The following RAD51B variants were observed in gnomAD, a reference collection of about 807,000 sequenced individuals.
RAD51B encodes RAD51 paralog B.
RAD51B carries 38 observed loss-of-function variants against 42.2 expected under a neutral mutation model. That is an observed-to-expected ratio of 0.90 (90% CI 0.70 to 1.18). The LOEUF is 1.18. Among genes scored for constraint, RAD51B ranks in the 50% most tolerant of loss-of-function variants. The probability of loss-of-function intolerance (pLI) is 0.00; values close to 1 mark genes in which losing one functional copy is unlikely to be tolerated. For synonymous variants in RAD51B, 154 were observed against 145.2 expected (o/e 1.06, Z -0.43); for missense variants, 373 against 400.7 (o/e 0.93, Z 0.59).
chr14:68,026,090 A>G (rs1198405702), intron 7 of RAD51B, among the ~76,000 whole-genome samples: 1 of 152,002 alleles, frequency 6.6e-6, no homozygotes, highest in African/African-American at 2.4e-5. Flanking sequence ...TTCTGCCTTA[A>G]TTTTGATGTT....
rs79104058 is a variant in RAD51B, at chr14:68,527,155, T to C, written c.1036+58905T>C. On this transcript the variant is annotated intron_variant, in intron 10 of 10. Transcript: ENST00000487270. ...AAACAAAACAAAAAACGAAACAAAA[T>C]GAAAAAGCCTACATGCTCTTTGGTA... Among the ~76,000 whole-genome samples the C allele has an allele frequency of 8.0e-3, 1,218 of 152,232 alleles. 15 individuals are homozygous for C. The highest frequency in any genetic ancestry group is 0.028 in the African/African-American group (1,183 of 41,526).
intron 7 of RAD51B, among the ~76,000 whole-genome samples, chr14:67,934,497 G>A (rs778595957): frequency 6.6e-6 from 1 of 151,976 alleles, no homozygotes; most frequent in Non-Finnish European, 1.5e-5. Flanking sequence ...CGTATTTAAT[G>A]GGAATTAGGA....
chr14:68,586,413 C>A (rs570075867), intron 10 of RAD51B, among the ~76,000 whole-genome samples: 2 of 152,314 alleles, frequency 1.3e-5, no homozygotes, highest in South Asian at 4.1e-4. Context: ...GCCCTTGTGC[C>A]GATCGGTTCC....
intron 3 of RAD51B, among the ~76,000 whole-genome samples, chr14:67,826,163 G>C (rs974411891): frequency 7.2e-5 from 11 of 152,000 alleles, no homozygotes. Flanking sequence ...ATCTTTCTCT[G>C]ATTGATTAGG....
chr14:68,511,248 ATT>A (rs552181651), intron 10 of RAD51B, among the ~76,000 whole-genome samples: 132 of 152,344 alleles, frequency 8.7e-4, no homozygotes, highest in African/African-American at 3.0e-3. Flanking sequence ...CAGCCTGGGC[ATT>A]CTCATGGCCT....
chr14:68,253,729 CT>C (rs896485334), intron 7 of RAD51B, among the ~76,000 whole-genome samples: 1 of 152,164 alleles, frequency 6.6e-6, no homozygotes, highest in African/African-American at 2.4e-5. Context: ...AGTAACCCCC[CT>C]GTGGGGTAGG....
intron 7 of RAD51B, among the ~76,000 whole-genome samples, chr14:67,935,713 A>G (rs1177977186): frequency 6.6e-6 from 1 of 152,198 alleles, no homozygotes; most frequent in Non-Finnish European, 1.5e-5. Context: ...GTCTTAGATA[A>G]GTAGCCCAGC....
chr14:68,640,865 A>C (rs1021229423), intron 10 of RAD51B, among the ~76,000 whole-genome samples: 2 of 152,228 alleles, frequency 1.3e-5, no homozygotes, highest in Non-Finnish European at 2.9e-5. Context: ...GTGCTGGGAA[A>C]TGGCTGAGCT....
intron 10 of RAD51B, among the ~76,000 whole-genome samples, chr14:68,580,796 C>T (rs1170034682): frequency 6.6e-6 from 1 of 152,130 alleles, no homozygotes; most frequent in Non-Finnish European, 1.5e-5. Context: ...CTCTTTAATC[C>T]TTTTTCCCTT....
At chr14:68,079,166 C>A (rs530698414) in intron 7 of RAD51B, among the ~76,000 whole-genome samples, 1 of 152,178 alleles carries the variant, frequency 6.6e-6, no homozygotes, top group South Asian at 2.1e-4. Flanking sequence ...CCAAAATAAT[C>A]ATTCTCTTTT....
At chr14:68,024,225 G>A (rs2075915127) in intron 7 of RAD51B, among the ~76,000 whole-genome samples, 1 of 152,128 alleles carries the variant, frequency 6.6e-6, no homozygotes. Flanking sequence ...GTACCATGCT[G>A]TTTTGGTTAC....
intron 10 of RAD51B, chr14:68,541,030 G>A: frequency 1.0e-6 from 1 of 985,392 alleles, no homozygotes; most frequent in Non-Finnish European, 1.2e-6. Flanking sequence ...GCCCCTTCAA[G>A]TTCTTGAAAA....
intron 8 of RAD51B, among the ~76,000 whole-genome samples, chr14:68,346,103 A>G (rs893104260): frequency 3.3e-5 from 5 of 152,246 alleles, no homozygotes; most frequent in Non-Finnish European, 7.3e-5. Flanking sequence ...CATGCAGAGA[A>G]TAGATTAAAA....
rs189702863 is a variant in RAD51B, at chr14:67,988,412, T to C, written c.756+101208T>C. Among the ~76,000 whole-genome samples, 69 of 151,918 alleles carry C rather than the reference T, an allele frequency of 4.5e-4. 1 individual carries two copies. The East Asian group carries it at 0.012, about 27-fold the overall frequency. ...AAGCGGAAGTTGCAATGAGCCAAGA[T>C]TGCACCACTGCACTGCAGCCTAGGC... is the stretch of plus-strand genomic sequence containing the variant. On this transcript the variant is annotated intron_variant, in intron 7 of 10. Coordinates refer to ENST00000471583, the MANE Select transcript of RAD51B (RefSeq NM_133510.4).
At chr14:68,241,665 G>A (rs920826145) in intron 7 of RAD51B, among the ~76,000 whole-genome samples, 6 of 151,922 alleles carry the variant, frequency 3.9e-5, no homozygotes, top group African/African-American at 1.2e-4. Flanking sequence ...TAGTTCTCAG[G>A]TTTTATTTTT....
chr14:68,662,926 C>A (rs1398452246), intron 11 of RAD51B, among the ~76,000 whole-genome samples: 1 of 152,236 alleles, frequency 6.6e-6, no homozygotes, highest in East Asian at 1.9e-4. Flanking sequence ...CCCCAGGAAG[C>A]TGACCTTGTG....
At chr14:68,037,985 G>T (rs2076160657) in intron 7 of RAD51B, among the ~76,000 whole-genome samples, 2 of 152,162 alleles carry the variant, frequency 1.3e-5, no homozygotes, top group Admixed American at 1.3e-4. Flanking sequence ...ATATAAACTG[G>T]TTAACTGAAC....
intron 8 of RAD51B, among the ~76,000 whole-genome samples, chr14:68,320,489 T>C (rs1486637233): frequency 3.3e-5 from 5 of 152,216 alleles, no homozygotes; most frequent in Non-Finnish European, 7.3e-5. Context: ...AGGAGTCAAA[T>C]GATTGTTCCA....
Position 68,379,702 on chromosome 14 carries a change from G to GA in RAD51B, c.854-31721dup, listed in dbSNP as rs2139981448. Among the ~76,000 whole-genome samples the GA allele has an allele frequency of 3.3e-5, 5 of 152,340 alleles. No homozygotes were observed. The South Asian group carries it at 1.0e-3, about 32-fold the overall frequency. On this transcript the variant is annotated intron_variant, in intron 8 of 10. Coordinates refer to ENST00000471583, the MANE Select transcript of RAD51B (RefSeq NM_133510.4). The stretch of plus-strand genomic sequence containing the variant: ...TCAGGATACATCTGAATGGAAAGGG[G>GA]AGAGAGATTTTGTCCATTCCTCCCA...
Sources: gnomAD v4.1 joint callset for allele counts (sites outside exome capture counted in the v4.1 genomes callset) on GRCh38, gnomAD v4.1.1 for gene constraint, MANE v1.5 for transcripts, NCBI Gene and HGNC (gene_info 2026-07-23, HGNC 2026-07-21) for gene names.